DPP10: variants seen among roughly 807,000 people sequenced by gnomAD.
The protein encoded by DPP10 is inactive dipeptidyl peptidase 10.
A neutral mutation model predicts 120.9 loss-of-function variants in DPP10; 33 were observed. The ratio of observed to expected loss-of-function variants is 0.27; its 90% CI spans 0.21 to 0.37. The LOEUF (loss-of-function observed/expected upper bound fraction) is 0.37, where lower values mean the gene tolerates loss of function less well. DPP10 is among the 10% of genes least tolerant of loss of function. DPP10 has a pLI of 1.00. For synonymous variants in DPP10, 337 were observed against 326.1 expected, an observed-to-expected ratio of 1.03 and a Z score of -0.36; for missense variants, 816 against 942.8, an observed-to-expected ratio of 0.87 and a Z score of 1.76.
intron 1 of DPP10, among the ~76,000 whole-genome samples, chr2:114,482,772 G>T (rs1441066355): frequency 1.3e-5 from 2 of 152,154 alleles, no homozygotes; most frequent in South Asian, 4.1e-4. Context: ...ATTAGCCAAT[G>T]CGTATCTTGT....
intron 1 of DPP10, among the ~76,000 whole-genome samples, chr2:115,136,517 A>G (rs1371159025): frequency 2.0e-5 from 3 of 152,206 alleles, no homozygotes; most frequent in Non-Finnish European, 4.4e-5. Context: ...TGTATTCTCA[A>G]AAGACACACT....
chr2:115,770,299 A>G (rs879634575), intron 13 of DPP10, among the ~76,000 whole-genome samples: 3 of 152,118 alleles, frequency 2.0e-5, no homozygotes, highest in Non-Finnish European at 2.9e-5. Flanking sequence ...TCTGTTTCTC[A>G]GTCAAACCAG....
intron 3 of DPP10, among the ~76,000 whole-genome samples, chr2:115,375,872 C>A (rs934259164): frequency 1.3e-5 from 2 of 152,226 alleles, no homozygotes; most frequent in African/African-American, 4.8e-5. Flanking sequence ...AATCCACACC[C>A]ATGATCCAGT....
intron 3 of DPP10, among the ~76,000 whole-genome samples, chr2:115,408,600 G>C (rs1363415740): frequency 6.6e-6 from 1 of 152,110 alleles, no homozygotes; most frequent in East Asian, 1.9e-4. Flanking sequence ...TACATGAAAG[G>C]ACTGAAATCA....
intron 1 of DPP10, among the ~76,000 whole-genome samples, chr2:114,575,451 C>G (rs1276101450): frequency 6.6e-6 from 1 of 152,072 alleles, no homozygotes; most frequent in Admixed American, 6.6e-5. Context: ...AATGCATTTG[C>G]ACTTCAACTT....
At position 115,777,269 on chromosome 2, in the gene DPP10, T is replaced by C. The variant is rs754860721; in HGVS notation, c.1283T>C (p.Ile428Thr). 1.9e-6 allele frequency: 3 copies of C among 1,612,976 alleles called. No individual in the cohort carries two copies. The East Asian group carries it at 6.7e-5, about 36-fold the overall frequency. ...TCAGGAAACTGGGAAGTGATAAAGA[T>C]CTTGGCATACGATGAAACTACTCAA... is the stretch of plus-strand genomic sequence containing the variant. ...LTSGNWEVIK[I>T]LAYDETTQKI... Residue 428 changes from isoleucine (I) to threonine (T), a missense_variant, in exon 14 of 26, where the codon ATC becomes ACC. Coordinates refer to ENST00000410059, the MANE Select transcript of DPP10 (RefSeq NM_020868.6).
At chr2:115,443,116 A>T (rs1217030375) in intron 3 of DPP10, among the ~76,000 whole-genome samples, 1 of 152,182 alleles carries the variant, frequency 6.6e-6, no homozygotes, top group Non-Finnish European at 1.5e-5. Flanking sequence ...CCTTGCTTTG[A>T]TTTGGAAAGG....
At chr2:114,803,321 GAATACAGACT>G (rs1216724341) in intron 1 of DPP10, among the ~76,000 whole-genome samples, 1 of 152,184 alleles carries the variant, frequency 6.6e-6, no homozygotes, top group African/African-American at 2.4e-5. Context: ...TCAGCAGCAT[GAATACAGACT>G]AATACAGTAA....
At chr2:115,420,887 C>G (rs779583203) in intron 3 of DPP10, among the ~76,000 whole-genome samples, 15 of 152,062 alleles carry the variant, frequency 9.9e-5, no homozygotes, top group Admixed American at 3.3e-4. Context: ...AGAAAAATAT[C>G]CAATGACTAA....
chr2:115,740,327 A>G (rs1366125619), intron 9 of DPP10, among the ~76,000 whole-genome samples: 1 of 152,122 alleles, frequency 6.6e-6, no homozygotes, highest in Non-Finnish European at 1.5e-5. Flanking sequence ...TTCTTAGAGC[A>G]CTTAATGTGC....
At chr2:115,653,469 C>T (rs919720749) in intron 5 of DPP10, among the ~76,000 whole-genome samples, 3 of 151,894 alleles carry the variant, frequency 2.0e-5, no homozygotes, top group Non-Finnish European at 4.4e-5. Flanking sequence ...AGATAATCTC[C>T]GCTGTCTAAA....
chr2:115,566,556 A>G lies in DPP10; in HGVS notation c.441+40584A>G, dbSNP rs2081021248. ...TTTCTAGATTTGGCCAGTGGGATCC[A>G]GTTCAAGCTGGCTCCTGTGTCTTTC... On this transcript the variant is annotated intron_variant, in intron 5 of 25. Transcript: ENST00000410059. Among the ~76,000 whole-genome samples the G allele has an allele frequency of 2.0e-5, 3 of 152,272 alleles. No homozygotes were observed. The South Asian group carries it at 6.2e-4, about 32-fold the overall frequency.
At chr2:115,766,241 T>G (rs938397735) in intron 12 of DPP10, among the ~76,000 whole-genome samples, 2 of 149,590 alleles carry the variant, frequency 1.3e-5, no homozygotes, top group African/African-American at 4.9e-5. Context: ...AATTGATGAA[T>G]AGATGAATGT....
At chr2:115,491,213 C>T (rs772482231) in intron 3 of DPP10, among the ~76,000 whole-genome samples, 1 of 152,128 alleles carries the variant, frequency 6.6e-6, no homozygotes, top group African/African-American at 2.4e-5. Context: ...GACTTAACTC[C>T]AACTACAGCA....
intron 1 of DPP10, among the ~76,000 whole-genome samples, chr2:115,306,085 G>A (rs1367950613): frequency 3.3e-5 from 5 of 151,818 alleles, no homozygotes; most frequent in African/African-American, 1.2e-4. Flanking sequence ...TATTCCAGTT[G>A]TTCAGGTAAA....
intron 5 of DPP10, among the ~76,000 whole-genome samples, chr2:115,568,751 T>C (rs1466571062): frequency 6.6e-6 from 1 of 152,166 alleles, no homozygotes; most frequent in Admixed American, 6.5e-5. Context: ...CAGGCTAAGC[T>C]GTCAGTCAGT....
chr2:115,427,886 T>G (rs2070627086), intron 3 of DPP10, among the ~76,000 whole-genome samples: 1 of 152,232 alleles, frequency 6.6e-6, no homozygotes, highest in Non-Finnish European at 1.5e-5. Context: ...CTTCCAAATT[T>G]AAGTCATTTC....
chr2:114,512,393 C>T (rs569705863), intron 1 of DPP10, among the ~76,000 whole-genome samples: 6 of 152,230 alleles, frequency 3.9e-5, no homozygotes, highest in South Asian at 2.1e-4. Context: ...ATTTCATGGA[C>T]GTTCATTTGT....
At chr2:114,751,517 G>A (rs1245588538) in intron 1 of DPP10, among the ~76,000 whole-genome samples, 1 of 152,190 alleles carries the variant, frequency 6.6e-6, no homozygotes, top group Non-Finnish European at 1.5e-5. Flanking sequence ...AGTTTGGCCA[G>A]AAATTTAATG....
Sources: allele counts gnomAD v4.1 joint callset (sites outside exome capture counted in the v4.1 genomes callset), GRCh38; gene constraint gnomAD v4.1.1; transcripts MANE v1.5; gene names NCBI Gene and HGNC (gene_info 2026-07-23, HGNC 2026-07-21).